MLLT10: variants seen among roughly 807,000 people sequenced by gnomAD.
The protein encoded by MLLT10 is protein AF-10.
A neutral mutation model predicts 129.1 loss-of-function variants in MLLT10; 30 were observed. The observed-to-expected ratio is 0.23, with a 90% CI of 0.17 to 0.32. The LOEUF is 0.32. Among genes scored for constraint, MLLT10 ranks in the 10% least tolerant of loss-of-function variants. The pLI, the probability that MLLT10 is intolerant of heterozygous loss-of-function variation, is 1.00. For missense variants in MLLT10, 1,119 were observed against 1,268.3 expected (o/e 0.88, Z 1.79); for synonymous variants, 490 against 446.4 (o/e 1.10, Z -1.23).
rs145505401 is a variant in MLLT10, at chr10:21,570,564, G to A, written c.241-15730G>A. Among the ~76,000 whole-genome samples the A allele has an allele frequency of 3.1e-4, 46 of 150,278 alleles. 1 individual carries two copies. In the East Asian group the frequency reaches 8.6e-3, roughly 28 times the overall value. On this transcript the variant is annotated intron_variant, in intron 3 of 22. Coordinates refer to ENST00000307729, the MANE Select transcript of MLLT10 (RefSeq NM_001195626.3). ...CTCTTGAAATTATTTCAATTATCAC[G>A]TATTACATTTTTTAGTGGTTTTTTT...
chr10:21,641,624 C>G (rs924659426), intron 8 of MLLT10, among the ~76,000 whole-genome samples: 1 of 152,138 alleles, frequency 6.6e-6, no homozygotes, highest in Non-Finnish European at 1.5e-5. Flanking sequence ...CACTGCACTC[C>G]AGCCTGGGTG....
chr10:21,722,359 C>T (rs1188353183), intron 14 of MLLT10, among the ~76,000 whole-genome samples: 1 of 152,296 alleles, frequency 6.6e-6, no homozygotes, highest in East Asian at 1.9e-4. Flanking sequence ...AGTCTTTGTA[C>T]CAGATCTTCT....
chr10:21,572,940 T>C (rs116195522), intron 3 of MLLT10, among the ~76,000 whole-genome samples: 1,681 of 152,264 alleles, frequency 0.011, 28 homozygotes, highest in African/African-American at 0.038. Context: ...TTTGTCTTTT[T>C]TTTGATGCTA....
rs536530661 is a variant in MLLT10, at chr10:21,558,752, C to T, written c.240+19840C>T. On this transcript the variant is annotated intron_variant, in intron 3 of 22. Coordinates refer to ENST00000307729, the MANE Select transcript of MLLT10 (RefSeq NM_001195626.3). ...ACATCTATTTGTTTTGACACTATTCCTCTCAGTTCCACAGTGGCACTATGT... is the reference window on the plus strand; with the variant it reads ...ACATCTATTTGTTTTGACACTATTCTTCTCAGTTCCACAGTGGCACTATGT... 9.9e-5 allele frequency among the ~76,000 whole-genome samples: 15 copies of T among 152,160 alleles called. No individual in the cohort carries two copies. In the East Asian group the frequency reaches 2.7e-3, roughly 27 times the overall value.
intron 13 of MLLT10, among the ~76,000 whole-genome samples, chr10:21,699,698 A>G (rs1378584321): frequency 6.6e-6 from 1 of 151,386 alleles, no homozygotes; most frequent in Admixed American, 6.6e-5. Flanking sequence ...AAAAAAAAAA[A>G]GTGGGTTTAT....
Position 21,644,376 on chromosome 10 carries a change from T to A in MLLT10, c.700-7297T>A, listed in dbSNP as rs367744249. ...GTAATTTTTTGAATATTTTCTCGTT[T>A]TTGAGACGATGGTTTAAGGGCTATG... On this transcript the variant is annotated intron_variant, in intron 8 of 22. Coordinates refer to ENST00000307729, the MANE Select transcript of MLLT10 (RefSeq NM_001195626.3). Among the ~76,000 whole-genome samples, 6 of 152,312 alleles carry A rather than the reference T, an allele frequency of 3.9e-5. No individual in the cohort carries two copies. The South Asian group carries it at 6.2e-4, about 16-fold the overall frequency.
intron 9 of MLLT10, among the ~76,000 whole-genome samples, chr10:21,655,651 G>A (rs1023615815): frequency 2.6e-5 from 4 of 152,136 alleles, no homozygotes; most frequent in East Asian, 1.9e-4. Flanking sequence ...CCTAATGGTT[G>A]CTAATGTCTG....
chr10:21,733,538 C>T lies in MLLT10; in HGVS notation c.2442C>T (p.Ser814=). 1 of 1,572,292 alleles carries T rather than the reference C, an allele frequency of 6.4e-7. No individual in the cohort carries two copies. The highest frequency in any genetic ancestry group is 1.2e-5 in the South Asian group (1 of 83,352). ...CTGATTCCTTGAACAGCAGTAAGAG[C>T]CCTCATATAGGAAACAGCTTTTTAC... is the stretch of plus-strand genomic sequence containing the variant. ...PTTDSLNSSK[S]PHIGNSFLPD... Residue 814 remains serine (S), a synonymous_variant, in exon 19 of 23, where the codon AGC becomes AGT. Coordinates refer to ENST00000307729, the MANE Select transcript of MLLT10 (RefSeq NM_001195626.3).
chr10:21,556,113 C>G (rs1479938556), intron 3 of MLLT10, among the ~76,000 whole-genome samples: 3 of 151,886 alleles, frequency 2.0e-5, no homozygotes, highest in African/African-American at 4.8e-5. Context: ...GTAGCTGGGA[C>G]TACAGGCATG....
chr10:21,723,146 T>G (rs1308973870), intron 14 of MLLT10, among the ~76,000 whole-genome samples: 1 of 152,206 alleles, frequency 6.6e-6, no homozygotes, highest in Non-Finnish European at 1.5e-5. Flanking sequence ...TTCTTTAGCA[T>G]ACGCTAAAGA....
chr10:21,670,831 T>A (rs1416552630), intron 10 of MLLT10, 127 bp downstream of exon 10: 14 of 1,087,234 alleles, frequency 1.3e-5, no homozygotes, highest in Non-Finnish European at 1.8e-5. Flanking sequence ...TATGATTAGT[T>A]GCTTTAGTAA....
intron 8 of MLLT10, among the ~76,000 whole-genome samples, chr10:21,619,994 G>A (rs2045648942): frequency 6.7e-6 from 1 of 149,106 alleles, no homozygotes; most frequent in African/African-American, 2.5e-5. Context: ...CAGTGGCGCA[G>A]TCTCAGCTCA....
chr10:21,729,790 C>T (rs1330899687), intron 16 of MLLT10, among the ~76,000 whole-genome samples: 1 of 152,130 alleles, frequency 6.6e-6, no homozygotes, highest in African/African-American at 2.4e-5. Flanking sequence ...TTCTAAAGCT[C>T]TTTAAATGTA....
At chr10:21,617,731 G>A (rs935923433) in intron 8 of MLLT10, among the ~76,000 whole-genome samples, 2 of 151,966 alleles carry the variant, frequency 1.3e-5, no homozygotes, top group South Asian at 2.1e-4. Flanking sequence ...ATACTAATCT[G>A]TCTTTTTCTG....
intron 13 of MLLT10, among the ~76,000 whole-genome samples, chr10:21,690,665 C>T (rs2053764291): frequency 6.6e-6 from 1 of 152,066 alleles, no homozygotes; most frequent in Admixed American, 6.6e-5. Flanking sequence ...ATACCTCTGT[C>T]CTGGAGTTAC....
intron 13 of MLLT10, among the ~76,000 whole-genome samples, chr10:21,698,882 G>T (rs2054620362): frequency 6.6e-6 from 1 of 151,984 alleles, no homozygotes. Context: ...TGTTTTGTTT[G>T]GTTTGGTTTT....
intron 13 of MLLT10, among the ~76,000 whole-genome samples, chr10:21,706,531 C>T (rs529886222): frequency 1.2e-4 from 18 of 152,256 alleles, no homozygotes; most frequent in African/African-American, 3.1e-4. Context: ...TTCAGTCTCT[C>T]GGGATGTGGG....
chr10:21,653,219 A>G (rs2049226177), intron 9 of MLLT10, among the ~76,000 whole-genome samples: 1 of 152,122 alleles, frequency 6.6e-6, no homozygotes, highest in African/African-American at 2.4e-5. Context: ...AAGGTGTTGG[A>G]TGGTCTGGGT....
intron 8 of MLLT10, chr10:21,624,851 A>G (rs1327614613): frequency 1.8e-6 from 2 of 1,094,474 alleles, no homozygotes; most frequent in African/African-American, 1.6e-5. Flanking sequence ...GTTGTGCAGG[A>G]CCCCCTCTGC....
Sources: allele counts gnomAD v4.1 joint callset (sites outside exome capture counted in the v4.1 genomes callset), GRCh38; gene constraint gnomAD v4.1.1; transcripts MANE v1.5; gene names NCBI Gene and HGNC (gene_info 2026-07-23, HGNC 2026-07-21).